The following CHRNE variants were observed in gnomAD, a reference collection of about 807,000 sequenced individuals.
CHRNE encodes the protein acetylcholine receptor subunit epsilon.
CHRNE carries 58 observed loss-of-function variants against 56.5 expected under a neutral mutation model. That is an observed-to-expected ratio of 1.03 (90% CI 0.83 to 1.28). The LOEUF (loss-of-function observed/expected upper bound fraction) is 1.28, where lower values mean the gene tolerates loss of function less well. Among genes scored for constraint, CHRNE ranks in the 50% most tolerant of loss-of-function variants. The pLI is 0.00. For synonymous variants in CHRNE, 385 were observed against 297.9 expected (o/e 1.29, Z -3.01); for missense variants, 793 against 688.9 (o/e 1.15, Z -1.69).
upstream of CHRNE, among the ~76,000 whole-genome samples, chr17:4,904,273 T>C (rs1018160772): frequency 2.6e-5 from 4 of 151,802 alleles, no homozygotes; most frequent in East Asian, 7.7e-4. Context: ...CATAGTTCAC[T>C]GCGGCTCTCA....
In CHRNE at chr17:4,903,014, G is replaced by C; in HGVS notation, c.46+4C>G. 2 of 1,613,986 alleles carry C rather than the reference G, an allele frequency of 1.2e-6. No homozygotes were observed. Among genetic ancestry groups the C allele is most frequent in the Non-Finnish European group, 1.7e-6 (2 of 1,179,994 alleles). On this transcript the variant is annotated splice_donor_region_variant and intron_variant, in intron 1 of 11. Coordinates refer to ENST00000649488, the MANE Select transcript of CHRNE (RefSeq NM_000080.4). ...CCAATTGCCCCTCTAGCCCCTGTCC[G>C]TACCGAGAAGCCCCAAGAGGAGCAG...
At chr17:4,907,492 C>G (rs1472585523), upstream of CHRNE, among the ~76,000 whole-genome samples, 2 of 145,838 alleles carry the variant, frequency 1.4e-5, no homozygotes, top group Non-Finnish European at 1.5e-5. Context: ...GGCGTGAACC[C>G]GGGAGGCGGA....
In CHRNE at chr17:4,898,446, G is replaced by A. The variant is rs1469096688; in HGVS notation, c.*290C>T. 2 of 506,482 alleles carry A rather than the reference G, an allele frequency of 3.9e-6. No homozygotes were observed. 31.4% of individuals were successfully genotyped at this position (506,482 alleles called of 1,614,324 possible). ...AGCTGGCAGCCACCAGAGTCCCGTG[G>A]GGCTGAGCCTTAGAAAGGCTGGGAG... is the stretch of plus-strand genomic sequence containing the variant. On this transcript the variant is annotated 3_prime_UTR_variant, in exon 12 of 12. Transcript: ENST00000649488.
chr17:4,900,607 G>A, intron 8 of CHRNE, 186 bp downstream of exon 8: 2 of 1,531,900 alleles, frequency 1.3e-6, no homozygotes, highest in South Asian at 1.2e-5. Context: ...GAGACCTCCA[G>A]GTGACGTCCA....
At position 4,899,083 on chromosome 17, in the gene CHRNE, G is replaced by A. The variant is rs763199413; in HGVS notation, c.1244C>T (p.Ala415Val). ...WTAAFCQSLG[A>V]AAPEVRCCVD... ...ACAGCAGCGGACCTCGGGGGCGGCG[G>A]CGCCCAGGCTCTGGCAGAAGGCAGC... The change falls in exon 11 of 12, where the codon GCC becomes GTC. Residue 415 changes from alanine to valine, a missense_variant. Physicochemically the swap from Ala to Val is moderately conservative, Grantham distance 64. Coordinates refer to ENST00000649488, the MANE Select transcript of CHRNE (RefSeq NM_000080.4). 1.2e-6 allele frequency: 2 copies of A among 1,610,974 alleles called. No homozygotes were observed. Among genetic ancestry groups the A allele is most frequent in the African/African-American group, 1.3e-5 (1 of 75,040 alleles).
chr17:4,900,447 T>G (rs1409471633), intron 8 of CHRNE: 2 of 1,550,854 alleles, frequency 1.3e-6, no homozygotes, highest in Admixed American at 2.0e-5. Context: ...TCTGCAGGGG[T>G]CTGCCTCATT....
At chr17:4,907,975 G>A (rs1227723649), upstream of CHRNE, among the ~76,000 whole-genome samples, 4 of 152,072 alleles carry the variant, frequency 2.6e-5, no homozygotes, top group Admixed American at 6.6e-5. Flanking sequence ...AGTAGTTTGG[G>A]ACCAGCCTGA....
chr17:4,900,115 C>T, intron 8 of CHRNE: 1 of 1,550,790 alleles, frequency 6.4e-7, no homozygotes, highest in South Asian at 1.2e-5. Context: ...CCACAGCCAG[C>T]CTCGTGAGCT....
chr17:4,903,038 A>C lies in CHRNE; in HGVS notation c.26T>G (p.Leu9Arg), dbSNP rs1344336890. The change falls in exon 1 of 12, where the codon CTG becomes CGG. Residue 9 changes from leucine (L) to arginine (R), a missense_variant. Physicochemically the swap from Leu to Arg is moderately radical, Grantham distance 102 (BLOSUM62 -2). Transcript: ENST00000649488. ...CGTACCGAGAAGCCCCAAGAGGAGC[A>C]GGACCCCAAGCGGAGCCCTTGCCAT... Reference protein sequence around the residue: MARAPLGVLLLLGLLGRGV... With the variant: MARAPLGVRLLLGLLGRGV... 1.9e-6 allele frequency: 3 copies of C among 1,613,818 alleles called. No homozygotes were observed. Among genetic ancestry groups the C allele is most frequent in the African/African-American group, 1.3e-5 (1 of 74,822 alleles).
rs759226183 is a variant in CHRNE, at chr17:4,900,998, G to C, written c.794C>G (p.Pro265Arg). 5 of 1,613,774 alleles carry C rather than the reference G, an allele frequency of 3.1e-6. No individual in the cohort carries two copies. Among genetic ancestry groups the C allele is most frequent in the Non-Finnish European group, 4.2e-6 (5 of 1,179,820 alleles). ...SGLVLLAYFL[P>R]AQAGGQKCTV... ...TCGGGGCCACTGCTTACCCTGCGCC[G>C]GCAGGAAGTAGGCGAGCAGCACCAG... The change falls in exon 7 of 12, where the codon CCG (proline) becomes CGG (arginine). Residue 265 changes from proline (P) to arginine (R), a missense_variant. Transcript: ENST00000649488.
At position 4,902,563 on chromosome 17, in the gene CHRNE, C is replaced by T. The variant is rs1597622491; in HGVS notation, c.189+58G>A. 6.2e-7 allele frequency: 1 copy of T among 1,613,940 alleles called. No individual in the cohort carries two copies. The highest frequency in any genetic ancestry group is 1.3e-5 in the African/African-American group (1 of 74,884). On this transcript the variant is annotated intron_variant, in intron 2 of 11. Coordinates refer to ENST00000649488, the MANE Select transcript of CHRNE (RefSeq NM_000080.4). This position sits in a 1 kb window ranked among gnomAD's most constrained non-coding sequence, Gnocchi z 4.0. ...CAGAAGTGAGCTTTAGGACAGAGCT[C>T]AGCGGTTGGGGCCAGAAGTGGGATT...
chr17:4,901,079 C>T lies in CHRNE; in HGVS notation c.713G>A (p.Arg238Gln), dbSNP rs2151097307. The stretch of plus-strand genomic sequence containing the variant: ...GTTAATGACGTAGAAGAGCGGCTTC[C>T]GGCGGATGATGAGCGAGTAGATGAC... ...TDVIYSLIIR[R>Q]KPLFYVINII... The change falls in exon 7 of 12, where the codon CGG becomes CAG. Residue 238 changes from arginine (R) to glutamine (Q), a missense_variant. Physicochemically the swap from Arg to Gln is conservative, Grantham distance 43 (BLOSUM62 1). Coordinates refer to ENST00000649488, the MANE Select transcript of CHRNE (RefSeq NM_000080.4). The T allele has an allele frequency of 6.2e-7, 1 of 1,613,912 alleles. No individual in the cohort carries two copies. Among genetic ancestry groups the T allele is most frequent in the Non-Finnish European group, 8.5e-7 (1 of 1,179,968 alleles).
Position 4,898,788 on chromosome 17 carries a change from G to A in CHRNE, c.1430C>T (p.Ala477Val). 2 of 1,609,224 alleles carry A rather than the reference G, an allele frequency of 1.2e-6. No homozygotes were observed. Among genetic ancestry groups the A allele is most frequent in the East Asian group, 2.2e-5 (1 of 44,716 alleles). ...SVGSSLIFLG[A>V]YFNRVPDLPY... Reference sequence around the variant, plus strand: ...GAGATCAGGCACTCGGTTGAAGTAGGCCCCGAGGAAGATGAGGCTGGAGCC... The same window carrying A: ...GAGATCAGGCACTCGGTTGAAGTAGACCCCGAGGAAGATGAGGCTGGAGCC... Residue 477 changes from alanine (A) to valine (V), a missense_variant, in exon 12 of 12, where the codon GCC (alanine) becomes GTC (valine). Physicochemically the swap from Ala to Val is moderately conservative, Grantham distance 64. Coordinates refer to ENST00000649488, the MANE Select transcript of CHRNE (RefSeq NM_000080.4).
In CHRNE at chr17:4,902,362, A is replaced by C; in HGVS notation, c.235-36T>G. On this transcript the variant is annotated intron_variant, in intron 3 of 11. Coordinates refer to ENST00000649488, the MANE Select transcript of CHRNE (RefSeq NM_000080.4). The surrounding 1 kb of genome is among the most constrained non-coding windows in gnomAD (Gnocchi z 4.0). ...GGGGATGGAAGGCCGCGTGCCCTGC[A>C]TCTCCCACCTGGCGCTGCCTGGGAG... is the stretch of plus-strand genomic sequence containing the variant. The C allele has an allele frequency of 1.2e-6, 2 of 1,613,742 alleles. No individual in the cohort carries two copies. Among genetic ancestry groups the C allele is most frequent in the Non-Finnish European group, 8.5e-7 (1 of 1,179,652 alleles).
At chr17:4,903,943 C>T (rs897271868), upstream of CHRNE, among the ~76,000 whole-genome samples, 4 of 152,178 alleles carry the variant, frequency 2.6e-5, no homozygotes, top group Non-Finnish European at 5.9e-5. Flanking sequence ...CTGCAACCTC[C>T]GCCTCCCGGG....
chr17:4,899,704 C>G, intron 8 of CHRNE, 122 bp from the exon 9 acceptor site: 1 of 1,498,938 alleles, frequency 6.7e-7, no homozygotes, highest in Non-Finnish European at 9.1e-7. Flanking sequence ...AGCTGCGCCC[C>G]CTACACGACG....
upstream of CHRNE, among the ~76,000 whole-genome samples, chr17:4,904,217 G>A (rs150261110): frequency 0.012 from 1,871 of 151,628 alleles, 30 homozygotes; most frequent in South Asian, 0.054. Flanking sequence ...GGGGTGGGGG[G>A]ACAGGATCTC....
upstream of CHRNE, among the ~76,000 whole-genome samples, chr17:4,905,118 A>T (rs1207105226): frequency 6.6e-6 from 1 of 152,246 alleles, no homozygotes; most frequent in East Asian, 1.9e-4. Context: ...GGTTATTGAG[A>T]TGGATAAAAC....
At chr17:4,903,927 G>T (rs1489338725), upstream of CHRNE, among the ~76,000 whole-genome samples, 1 of 152,000 alleles carries the variant, frequency 6.6e-6, no homozygotes, top group East Asian at 1.9e-4. Context: ...GCATGATCTC[G>T]GCTCACTGCA....
Sources: gnomAD v4.1 joint callset for allele counts (sites outside exome capture counted in the v4.1 genomes callset) on GRCh38, gnomAD v4.1.1 for gene constraint, Gnocchi (gnomAD v3.1) non-coding constraint, MANE v1.5 for transcripts, NCBI Gene and HGNC (gene_info 2026-07-23, HGNC 2026-07-21) for gene names.